STXBP3: variants seen among roughly 807,000 people sequenced by gnomAD.
STXBP3 encodes the protein syntaxin-binding protein 3.
A neutral mutation model predicts 85.7 loss-of-function variants in STXBP3; 41 were observed. That is an observed-to-expected ratio of 0.48 (90% CI 0.37 to 0.62). The LOEUF is 0.62. Ranked by LOEUF, STXBP3 falls within the 20% of genes least tolerant of loss-of-function variation. The pLI, the probability that STXBP3 is intolerant of heterozygous loss-of-function variation, is 0.00. For missense variants in STXBP3, 563 were observed against 703.1 expected (o/e 0.80, Z 2.25); for synonymous variants, 229 against 231.7 (o/e 0.99, Z 0.10).
intron 9 of STXBP3, 40 bp downstream of exon 9, chr1:108,779,450 AC>A (rs763527172): frequency 6.3e-7 from 1 of 1,577,724 alleles, no homozygotes; most frequent in Non-Finnish European, 8.6e-7. Context: ...GCATATACAA[AC>A]AGGATAGAAT....
chr1:108,786,808 A>G (rs1662839732), intron 11 of STXBP3, among the ~76,000 whole-genome samples: 1 of 152,234 alleles, frequency 6.6e-6, no homozygotes, highest in African/African-American at 2.4e-5. Flanking sequence ...CAATTTCAAC[A>G]GAAACATTTA....
intron 16 of STXBP3, among the ~76,000 whole-genome samples, chr1:108,798,538 C>T (rs1213512085): frequency 6.6e-6 from 1 of 151,346 alleles, no homozygotes; most frequent in East Asian, 1.9e-4. Context: ...GCCTCAGCCT[C>T]CCGAGTAGCT....
chr1:108,805,416 C>T (rs1044741466), intron 17 of STXBP3, among the ~76,000 whole-genome samples: 2 of 145,400 alleles, frequency 1.4e-5, no homozygotes, highest in East Asian at 2.2e-4. Flanking sequence ...AGGCTAGATT[C>T]AGATTTTTTT....
At chr1:108,760,179 T>A in intron 6 of STXBP3, 94 bp downstream of exon 6, 4 of 678,314 alleles carry the variant, frequency 5.9e-6, no homozygotes, top group Non-Finnish European at 7.1e-6. Flanking sequence ...ATATTTTTTA[T>A]ATGTATTTGG....
rs138504073 is a variant in STXBP3 at position 108,786,967 on chromosome 1, G to A, written c.963+4261G>A. 7.0e-4 allele frequency among the ~76,000 whole-genome samples: 107 copies of A among 152,176 alleles called. 2 individuals are homozygous for A. The East Asian group carries it at 0.019, about 27-fold the overall frequency. On this transcript the variant is annotated intron_variant, in intron 11 of 18. Coordinates refer to ENST00000370008, the MANE Select transcript of STXBP3 (RefSeq NM_007269.4). ...GCCGCATTTTATAATTTTCATTTTA[G>A]TGGTATTGCACATTTTTTCTTTATT...
Position 108,774,246 on chromosome 1 carries a change from T to G in STXBP3, c.593+1427T>G, listed in dbSNP as rs368438862. 1.1e-4 allele frequency among the ~76,000 whole-genome samples: 17 copies of G among 152,294 alleles called. No homozygotes were observed. The East Asian group carries it at 1.3e-3, about 12-fold the overall frequency. On this transcript the variant is annotated intron_variant, in intron 7 of 18. Coordinates refer to ENST00000370008, the MANE Select transcript of STXBP3 (RefSeq NM_007269.4). ...TGACCCTCTCGCCTCAGTTTCCTTA[T>G]CTATGAAATAAGAATGATAATAATA...
chr1:108,753,413 A>ATG (rs1283819337), intron 3 of STXBP3, among the ~76,000 whole-genome samples: 3 of 151,820 alleles, frequency 2.0e-5, no homozygotes, highest in Non-Finnish European at 4.4e-5. Context: ...ACATATATAT[A>ATG]TATAAAACAA....
chr1:108,792,582 A>G (rs1243481089), intron 11 of STXBP3, among the ~76,000 whole-genome samples: 1 of 152,156 alleles, frequency 6.6e-6, no homozygotes, highest in Non-Finnish European at 1.5e-5. Flanking sequence ...CATCATTGTG[A>G]TATCAAACAC....
rs758829907 is a variant in STXBP3, at chr1:108,793,540, T to C, written c.964-42T>C. The C allele has an allele frequency of 1.5e-5, 22 of 1,513,634 alleles. No homozygotes were observed. The East Asian group carries it at 4.1e-4, about 28-fold the overall frequency. The allele number at this position is 1,513,634 out of a possible 1,614,324, so 93.8% of individuals were successfully genotyped here. A position where few individuals can be genotyped will look rare whatever the true frequency, so the allele number is the denominator to read the frequency against. ...TTTCAAAGTTGTAATATGGAATAACTGAATCATAGGCTTGCCTAAAAAAAT... is the reference window on the plus strand; with the variant it reads ...TTTCAAAGTTGTAATATGGAATAACCGAATCATAGGCTTGCCTAAAAAAAT... On this transcript the variant is annotated intron_variant, in intron 11 of 18. Transcript: ENST00000370008.
Position 108,800,233 on chromosome 1 carries a change from A to G in STXBP3, c.1463A>G (p.Asn488Ser). 1.9e-6 allele frequency: 3 copies of G among 1,609,778 alleles called. No individual in the cohort carries two copies. Among genetic ancestry groups the G allele is most frequent in the Non-Finnish European group, 2.6e-6 (3 of 1,176,216 alleles). Residue 488 changes from asparagine to serine, a missense_variant, in exon 17 of 19, where the codon AAT becomes AGT. Physicochemically the swap from Asn to Ser is conservative, Grantham distance 46 (BLOSUM62 1). Around this residue, in one of 3 missense-constraint regions of STXBP3, gnomAD observed 494 missense variants for 592.8 expected, o/e 0.83. Coordinates refer to ENST00000370008, the MANE Select transcript of STXBP3 (RefSeq NM_007269.4). ...IKDIMEDAID[N>S]RLDSKEWPYC... ...TTCCTTCCTTAGGATGCTATTGATAATAGATTAGATTCAAAAGAATGGCCA... is the reference window on the plus strand; with the variant it reads ...TTCCTTCCTTAGGATGCTATTGATAGTAGATTAGATTCAAAAGAATGGCCA...
Position 108,778,061 on chromosome 1 carries a change from G to A in STXBP3, c.685-1225G>A, listed in dbSNP as rs538496396. Among the ~76,000 whole-genome samples the A allele has an allele frequency of 2.6e-5, 4 of 152,222 alleles. No homozygotes were observed. In the East Asian group the frequency reaches 7.7e-4, roughly 29 times the overall value. ...TGTCCAAACTTGTACTGCAAGATGT[G>A]GTCAAGGCTGGACTCAGATTCAGAC... On this transcript the variant is annotated intron_variant, in intron 8 of 18. Coordinates refer to ENST00000370008, the MANE Select transcript of STXBP3 (RefSeq NM_007269.4).
In STXBP3 at chr1:108,751,630, A is replaced by G. The variant is rs185715968; in HGVS notation, c.50-627A>G. On this transcript the variant is annotated intron_variant, in intron 1 of 18. Coordinates refer to ENST00000370008, the MANE Select transcript of STXBP3 (RefSeq NM_007269.4). ...AAAACATAGTGTGGGAAATTGTTTT[A>G]TTAAGTAGAACAGATATTTGTATAA... Among the ~76,000 whole-genome samples, 164 of 152,272 alleles carry G rather than the reference A, an allele frequency of 1.1e-3. 1 individual carries two copies. Among genetic ancestry groups the G allele is most frequent in the Middle Eastern group, 0.01 (3 of 294 alleles).
chr1:108,801,202 T>A (rs569180858), intron 17 of STXBP3, among the ~76,000 whole-genome samples: 6 of 152,300 alleles, frequency 3.9e-5, no homozygotes, highest in Non-Finnish European at 7.3e-5. Context: ...TTCTTTTTAA[T>A]TCTTTTGATC....
At chr1:108,772,945 C>T in intron 7 of STXBP3, 126 bp downstream of exon 7, 1 of 876,908 alleles carries the variant, frequency 1.1e-6, no homozygotes, top group Non-Finnish European at 1.6e-6. Context: ...TTACCATGCT[C>T]TACATATAGG....
At chr1:108,752,167 A>G in intron 1 of STXBP3, 90 bp from the exon 2 acceptor site, 2 of 1,208,122 alleles carry the variant, frequency 1.7e-6, no homozygotes, top group South Asian at 1.4e-5. Flanking sequence ...CAAATTTCAA[A>G]TTGGATTTTT....
intron 7 of STXBP3, among the ~76,000 whole-genome samples, chr1:108,773,023 A>G (rs1374527274): frequency 3.3e-5 from 5 of 152,122 alleles, no homozygotes; most frequent in Non-Finnish European, 5.9e-5. Flanking sequence ...TCGGAGCCTA[A>G]ATTTGGTACA....
intron 1 of STXBP3, 84 bp from the exon 2 acceptor site, chr1:108,752,172 AT>A: frequency 7.8e-7 from 1 of 1,275,686 alleles, no homozygotes; most frequent in East Asian, 2.3e-5. Flanking sequence ...TTCAAATTGG[AT>A]TTTTCCTTAG....
intron 13 of STXBP3, among the ~76,000 whole-genome samples, chr1:108,795,955 C>CT (rs1663081509): frequency 2.0e-5 from 3 of 151,982 alleles, no homozygotes. Flanking sequence ...AACCTCTGCC[C>CT]ACCGGGTTCA....
intron 4 of STXBP3, among the ~76,000 whole-genome samples, chr1:108,757,949 G>C (rs746887436): frequency 5.3e-5 from 8 of 152,018 alleles, no homozygotes; most frequent in Non-Finnish European, 7.4e-5. Flanking sequence ...TAGTGACCTA[G>C]ATAAATGTTC....
Sources: gnomAD v4.1 joint callset for allele counts (sites outside exome capture counted in the v4.1 genomes callset) on GRCh38, gnomAD v4.1.1 for gene constraint, gnomAD v4.1.1 regional missense constraint, MANE v1.5 for transcripts, NCBI Gene and HGNC (gene_info 2026-07-23, HGNC 2026-07-21) for gene names.